The following NHSL1 variants were observed in gnomAD, a reference collection of about 807,000 sequenced individuals.
NHSL1 encodes NHS like 1.
NHSL1 carries 48 observed loss-of-function variants against 95.0 expected under a neutral mutation model. The ratio of observed to expected loss-of-function variants is 0.51; its 90% CI spans 0.40 to 0.64. NHSL1 has a LOEUF of 0.64. Ranked by LOEUF, NHSL1 falls within the 30% of genes least tolerant of loss-of-function variation. The pLI, the probability that NHSL1 is intolerant of heterozygous loss-of-function variation, is 0.00. For synonymous variants in NHSL1, 783 were observed against 833.9 expected (o/e 0.94, Z 1.05); for missense variants, 1,971 against 2,077.7 (o/e 0.95, Z 1.00).
At chr6:138,512,884 G>A (rs944852803) in intron 1 of NHSL1, among the ~76,000 whole-genome samples, 1 of 152,152 alleles carries the variant, frequency 6.6e-6, no homozygotes, top group African/African-American at 2.4e-5. Flanking sequence ...GTCTAGATGG[G>A]GTTTTCCCCG....
At chr6:138,547,506 G>A (rs367568320), upstream of NHSL1, among the ~76,000 whole-genome samples, 5 of 152,142 alleles carry the variant, frequency 3.3e-5, no homozygotes, top group South Asian at 4.1e-4. Flanking sequence ...TCAGCCTTCC[G>A]AGTAGCTGGG....
At position 138,422,056 on chromosome 6, in the gene NHSL1, TG is replaced by T. The variant is rs1229790288; in HGVS notation, c.*2024del. 1.3e-5 allele frequency: 2 copies of T among 152,260 alleles called. No individual in the cohort carries two copies. The highest frequency in any genetic ancestry group is 4.8e-5 in the African/African-American group (2 of 41,474). The allele number at this position is 152,260 out of a possible 1,614,324, so 9.4% of individuals were successfully genotyped here. A position where few individuals can be genotyped will look rare whatever the true frequency, so the allele number is the denominator to read the frequency against. On this transcript the variant is annotated 3_prime_UTR_variant, in exon 8 of 8. Transcript: ENST00000343505. ...ATATTTCAAATATTTACTTTACAATTGTTTTATTCAAAGGAAATTAAATACA... is the reference window on the plus strand; with the variant it reads ...ATATTTCAAATATTTACTTTACAATTTTTTATTCAAAGGAAATTAAATACA...
At chr6:138,611,249 AT>A in intron 1 of NHSL1, among the ~76,000 whole-genome samples, 1 of 152,362 alleles carries the variant, frequency 6.6e-6, no homozygotes, top group East Asian at 1.9e-4. Context: ...AACAGGCAGC[AT>A]TTTAATAGTG....
chr6:138,646,667 G>A (rs1172053429), intron 1 of NHSL1, among the ~76,000 whole-genome samples: 2 of 152,144 alleles, frequency 1.3e-5, no homozygotes, highest in Non-Finnish European at 2.9e-5. Context: ...AAGGGGTGAG[G>A]GGTAAACTGA....
intron 1 of NHSL1, among the ~76,000 whole-genome samples, chr6:138,658,000 G>C (rs1785179647): frequency 6.6e-6 from 1 of 151,850 alleles, no homozygotes; most frequent in Non-Finnish European, 1.5e-5. Context: ...CTAGTGATGA[G>C]GAAATTGTAA....
chr6:138,609,699 G>C (rs1013257860), intron 1 of NHSL1, among the ~76,000 whole-genome samples: 1 of 139,668 alleles, frequency 7.2e-6, no homozygotes, highest in African/African-American at 2.7e-5. Flanking sequence ...GCAGTGAGCC[G>C]AGATTGCACC....
chr6:138,577,002 A>G (rs1426738910), upstream of NHSL1, among the ~76,000 whole-genome samples: 1 of 152,244 alleles, frequency 6.6e-6, no homozygotes, highest in Non-Finnish European at 1.5e-5. Flanking sequence ...AAGTTCTAGA[A>G]TCATCTCCTT....
At chr6:138,691,760 G>T (rs145746489) in intron 1 of NHSL1, 2 of 371,674 alleles carry the variant, frequency 5.4e-6, no homozygotes, top group Admixed American at 3.5e-5. Context: ...ATGGATCACC[G>T]GAGAGATCAC....
chr6:138,485,467 AG>A (rs1373884886), intron 2 of NHSL1, among the ~76,000 whole-genome samples: 2 of 143,892 alleles, frequency 1.4e-5, no homozygotes, highest in African/African-American at 5.1e-5. Flanking sequence ...AAAAAAAAAA[AG>A]GTATGGGGGT....
intron 3 of NHSL1, among the ~76,000 whole-genome samples, chr6:138,453,460 T>A (rs1019310936): frequency 6.6e-6 from 1 of 152,132 alleles, no homozygotes; most frequent in Non-Finnish European, 1.5e-5. Context: ...GCTCAAGCAA[T>A]CCTCCTGCCT....
At chr6:138,591,198 T>C (rs1406039182) in intron 1 of NHSL1, among the ~76,000 whole-genome samples, 1 of 152,176 alleles carries the variant, frequency 6.6e-6, no homozygotes, top group African/African-American at 2.4e-5. Context: ...ATACCAGTTA[T>C]CAAGGGGGGA....
At chr6:138,686,347 C>A (rs1296149895) in intron 1 of NHSL1, among the ~76,000 whole-genome samples, 1 of 151,920 alleles carries the variant, frequency 6.6e-6, no homozygotes, top group Admixed American at 6.6e-5. Flanking sequence ...ACAGTAAAAC[C>A]CTGTCTCTAT....
intron 1 of NHSL1, among the ~76,000 whole-genome samples, chr6:138,513,288 TTTCC>T (rs1235889103): frequency 6.6e-6 from 1 of 152,174 alleles, no homozygotes; most frequent in East Asian, 1.9e-4. Context: ...TTATGAAAAT[TTTCC>T]TTAAGAAACG....
chr6:138,682,764 C>G (rs536026473), intron 1 of NHSL1, among the ~76,000 whole-genome samples: 1 of 152,280 alleles, frequency 6.6e-6, no homozygotes, highest in East Asian at 1.9e-4. Context: ...GAGGTCTGTT[C>G]CTGGCCTCAC....
chr6:138,678,365 T>C (rs193218159), intron 1 of NHSL1, among the ~76,000 whole-genome samples: 1 of 152,278 alleles, frequency 6.6e-6, no homozygotes, highest in African/African-American at 2.4e-5. Flanking sequence ...TCAGTGCAGC[T>C]CAAAGAACCA....
chr6:138,619,529 C>G (rs1784625518), intron 1 of NHSL1, among the ~76,000 whole-genome samples: 1 of 152,100 alleles, frequency 6.6e-6, no homozygotes, highest in African/African-American at 2.4e-5. Context: ...CTACTATTCC[C>G]ACCTAATTAA....
At chr6:138,565,691 A>G (rs541805158) in intron 1 of NHSL1, among the ~76,000 whole-genome samples, 1 of 152,148 alleles carries the variant, frequency 6.6e-6, no homozygotes, top group South Asian at 2.1e-4. Flanking sequence ...TTGGGAGGCC[A>G]AGGCAGGAGG....
intron 3 of NHSL1, among the ~76,000 whole-genome samples, chr6:138,473,011 G>A (rs867480264): frequency 4.6e-5 from 7 of 152,084 alleles, no homozygotes; most frequent in East Asian, 3.8e-4. Context: ...CTGATTTTAC[G>A]TCTCCTTTAT....
chr6:138,548,656 G>A (rs1166786628), upstream of NHSL1, among the ~76,000 whole-genome samples: 1 of 152,060 alleles, frequency 6.6e-6, no homozygotes, highest in Non-Finnish European at 1.5e-5. Flanking sequence ...ATAGAACAAG[G>A]GGACTAAATT....
Sources: gnomAD v4.1 joint callset for allele counts (sites outside exome capture counted in the v4.1 genomes callset) on GRCh38, gnomAD v4.1.1 for gene constraint, MANE v1.5 for transcripts, NCBI Gene and HGNC (gene_info 2026-07-23, HGNC 2026-07-21) for gene names.